Variants in TLN2 observed in about 807,000 individuals in gnomAD.
TLN2 encodes talin-2.
Under a neutral mutation model 294.7 loss-of-function variants are expected in TLN2, and 118 were observed. That is an observed-to-expected ratio of 0.40 (90% CI 0.34 to 0.47). The LOEUF is 0.47. TLN2 is among the 20% of genes least tolerant of loss of function. TLN2 has a pLI of 0.84. For missense variants in TLN2, 3,083 were observed against 3,282.2 expected (o/e 0.94, Z 1.48); for synonymous variants, 1,431 against 1,304.5 (o/e 1.10, Z -2.09).
intron 1 of TLN2, among the ~76,000 whole-genome samples, chr15:62,476,648 G>C (rs963806453): frequency 1.3e-5 from 2 of 152,222 alleles, no homozygotes; most frequent in African/African-American, 4.8e-5. Context: ...TCCATCACCA[G>C]AGCCAAACCT....
intron 1 of TLN2, among the ~76,000 whole-genome samples, chr15:62,508,011 T>G (rs938832484): frequency 2.6e-5 from 4 of 152,314 alleles, no homozygotes; most frequent in Middle Eastern, 3.4e-3. Context: ...TATGGGTTTT[T>G]GGGCTTTTCT....
chr15:62,472,806 C>G (rs930933665), intron 1 of TLN2, among the ~76,000 whole-genome samples: 1 of 152,100 alleles, frequency 6.6e-6, no homozygotes, highest in South Asian at 2.1e-4. Flanking sequence ...CTTGAGCATT[C>G]GTTGAATGAG....
At chr15:62,485,525 G>A (rs2038342373) in intron 1 of TLN2, among the ~76,000 whole-genome samples, 1 of 152,212 alleles carries the variant, frequency 6.6e-6, no homozygotes, top group South Asian at 2.1e-4. Context: ...ATGGGAAAAG[G>A]GCAGAAGTGC....
chr15:62,711,928 G>A lies in TLN2; in HGVS notation c.2485G>A (p.Ala829Thr), dbSNP rs1318824022. Residue 829 changes from alanine (A) to threonine (T), a missense_variant, in exon 22 of 59, where the codon GCG becomes ACG. Physicochemically the swap from Ala to Thr is moderately conservative, Grantham distance 58. Coordinates refer to ENST00000636159, the MANE Select transcript of TLN2 (RefSeq NM_015059.3). ...TCTTCTAGGTGAAATGGTGCGCCAG[G>A]CGCGGGTTCTGGCCCAAGCCACATC... ...MGDAGEMVRQ[A>T]RVLAQATSDL... is the part of the protein sequence containing the mutation. 1.9e-6 allele frequency: 3 copies of A among 1,608,862 alleles called. No individual in the cohort carries two copies. Among genetic ancestry groups the A allele is most frequent in the African/African-American group, 2.7e-5 (2 of 74,864 alleles).
intron 1 of TLN2, among the ~76,000 whole-genome samples, chr15:62,579,342 G>T (rs934918859): frequency 2.6e-5 from 4 of 152,158 alleles, no homozygotes; most frequent in Admixed American, 6.5e-5. Context: ...AATTTTGAGG[G>T]TTACAATAAC....
At chr15:62,621,885 C>T (rs117371586) in intron 3 of TLN2, among the ~76,000 whole-genome samples, 1 of 152,150 alleles carries the variant, frequency 6.6e-6, no homozygotes, top group Non-Finnish European at 1.5e-5. Context: ...ACCAAAGGGT[C>T]CTCCCAACAC....
chr15:62,649,064 T>C (rs1022379809), intron 4 of TLN2, among the ~76,000 whole-genome samples: 1 of 152,142 alleles, frequency 6.6e-6, no homozygotes, highest in African/African-American at 2.4e-5. Flanking sequence ...CCCAGGCTGG[T>C]CTCATACTCC....
At chr15:62,568,739 G>T (rs1323821497) in intron 1 of TLN2, among the ~76,000 whole-genome samples, 1 of 152,148 alleles carries the variant, frequency 6.6e-6, no homozygotes, top group Non-Finnish European at 1.5e-5. Context: ...CTGGGCTTTT[G>T]GGGGTGGGAA....
chr15:62,564,821 C>T lies in TLN2; in HGVS notation c.-237-24866C>T, dbSNP rs375439284. Among the ~76,000 whole-genome samples, 46 of 150,062 alleles carry T rather than the reference C, an allele frequency of 3.1e-4. No homozygotes were observed. In the East Asian group the frequency reaches 5.5e-3, roughly 18 times the overall value. On this transcript the variant is annotated intron_variant, in intron 1 of 58. Coordinates refer to ENST00000636159, the MANE Select transcript of TLN2 (RefSeq NM_015059.3). ...ACTGGGGAAGCTGAGGCAGGAGAAT[C>T]GCTTGAACCCCGGGAGGTGGAGGTT... is the stretch of plus-strand genomic sequence containing the variant.
intron 42 of TLN2, among the ~76,000 whole-genome samples, chr15:62,772,744 C>T (rs2141053888): frequency 6.6e-6 from 1 of 152,038 alleles, no homozygotes; most frequent in East Asian, 1.9e-4. Flanking sequence ...CTCACTGCAA[C>T]CTCCGCGTCC....
At chr15:62,586,153 C>T (rs910836700) in intron 1 of TLN2, among the ~76,000 whole-genome samples, 1 of 152,196 alleles carries the variant, frequency 6.6e-6, no homozygotes, top group African/African-American at 2.4e-5. Flanking sequence ...CGATGCATCT[C>T]CGTCGCAAAT....
intron 1 of TLN2, among the ~76,000 whole-genome samples, chr15:62,436,142 C>A (rs191373803): frequency 2.0e-4 from 31 of 152,342 alleles, no homozygotes; most frequent in African/African-American, 7.5e-4. Context: ...GTTTGACCTG[C>A]AGTTCTAATT....
intron 54 of TLN2, 32 bp from the exon 55 acceptor site, chr15:62,833,472 T>C (rs756316848): frequency 4.3e-6 from 7 of 1,609,778 alleles, no homozygotes; most frequent in Admixed American, 3.4e-5. Context: ...TGGATATGAA[T>C]TGAATGTGAT....
rs77550762 is a variant in TLN2, at chr15:62,446,172, A to T, written c.-238+55487A>T. Among the ~76,000 whole-genome samples, 426 of 151,762 alleles carry T rather than the reference A, an allele frequency of 2.8e-3. 6 individuals carry two copies. In the East Asian group the frequency reaches 0.037, roughly 13 times the overall value. On this transcript the variant is annotated intron_variant, in intron 1 of 58. Transcript: ENST00000636159. ...CAGGCGCCCGCCACCACGCCCCGCT[A>T]ATTTTTTGGTAGAGACAGGGTTTCA...
chr15:62,522,767 C>A (rs1231227674), intron 1 of TLN2, among the ~76,000 whole-genome samples: 4 of 150,092 alleles, frequency 2.7e-5, no homozygotes, highest in Non-Finnish European at 4.4e-5. Context: ...CAGGACGACT[C>A]CCAGGCGTCA....
At chr15:62,786,165 C>G (rs1422291867) in intron 45 of TLN2, among the ~76,000 whole-genome samples, 2 of 152,184 alleles carry the variant, frequency 1.3e-5, no homozygotes, top group South Asian at 2.1e-4. Context: ...GTTAGGAGAT[C>G]CCTGAAGCAA....
At chr15:62,823,900 C>A in intron 54 of TLN2, 3 of 492,356 alleles carry the variant, frequency 6.1e-6, no homozygotes, top group Admixed American at 2.2e-5. Flanking sequence ...CCCCCTGCAG[C>A]CGTAACCTTC....
At chr15:62,833,443 TG>T (rs1353755268) in intron 54 of TLN2, 60 bp from the exon 55 acceptor site, 3 of 1,585,080 alleles carry the variant, frequency 1.9e-6, no homozygotes, top group African/African-American at 2.7e-5. Flanking sequence ...GTAAGTAGTT[TG>T]GAAGAAAGAG....
In TLN2 at chr15:62,652,663, T is replaced by G. The variant is rs1480179007; in HGVS notation, c.365-499T>G. 4.6e-5 allele frequency among the ~76,000 whole-genome samples: 7 copies of G among 152,326 alleles called. No homozygotes were observed. The East Asian group carries it at 1.4e-3, about 29-fold the overall frequency. Reference sequence around the variant, plus strand: ...ACTTCTTGTTTGACACTGTCTTGCCTTCTTCTGCATGACCTCCTCTGTGGC... The same window carrying G: ...ACTTCTTGTTTGACACTGTCTTGCCGTCTTCTGCATGACCTCCTCTGTGGC... On this transcript the variant is annotated intron_variant, in intron 6 of 58. Coordinates refer to ENST00000636159, the MANE Select transcript of TLN2 (RefSeq NM_015059.3).
Sources: allele counts gnomAD v4.1 joint callset (sites outside exome capture counted in the v4.1 genomes callset), GRCh38; gene constraint gnomAD v4.1.1; transcripts MANE v1.5; gene names NCBI Gene and HGNC (gene_info 2026-07-23, HGNC 2026-07-21).